The following TANGO6 variants were observed in gnomAD, a reference collection of about 807,000 sequenced individuals.
TANGO6 encodes transport and Golgi organization protein 6 homolog.
A neutral mutation model predicts 114.2 loss-of-function variants in TANGO6; 90 were observed. The observed-to-expected ratio is 0.79, with a 90% CI of 0.66 to 0.94. The LOEUF (loss-of-function observed/expected upper bound fraction) is 0.94. TANGO6 is among the 40% of genes least tolerant of loss of function. The pLI, the probability that TANGO6 is intolerant of heterozygous loss-of-function variation, is 0.00. For synonymous variants in TANGO6, 477 were observed against 509.8 expected (o/e 0.94, Z 0.87); for missense variants, 1,274 against 1,315.3 (o/e 0.97, Z 0.49).
Position 68,909,338 on chromosome 16 carries a change from T to C in TANGO6, c.1928T>C (p.Val643Ala). 6.2e-7 allele frequency: 1 copy of C among 1,608,600 alleles called. No homozygotes were observed. The highest frequency in any genetic ancestry group is 8.5e-7 in the Non-Finnish European group (1 of 1,177,050). ...GAAGGCCAAGAGCGGAAGCTGCTTG[T>C]CCTGCAGCTGATGGCTGTTCTGTGC... ...LVEGQERKLL[V>A]LQLMAVLCER... The change falls in exon 11 of 18, where the codon GTC becomes GCC. Residue 643 changes from valine (V) to alanine (A), a missense_variant. Val to Ala is a moderately conservative substitution (Grantham distance 64). Around this residue, in one of 5 missense-constraint regions of TANGO6, gnomAD observed 908 missense variants for 910.2 expected, o/e 1.00. Coordinates refer to ENST00000261778, the MANE Select transcript of TANGO6 (RefSeq NM_024562.2).
intron 17 of TANGO6, among the ~76,000 whole-genome samples, chr16:69,074,237 C>G (rs1460923563): frequency 6.6e-6 from 1 of 151,858 alleles, no homozygotes; most frequent in Non-Finnish European, 1.5e-5. Context: ...AAACAAATAA[C>G]AACAACAAGA....
At chr16:69,038,892 A>G (rs1176419461) in intron 16 of TANGO6, among the ~76,000 whole-genome samples, 2 of 151,994 alleles carry the variant, frequency 1.3e-5, no homozygotes, top group Non-Finnish European at 2.9e-5. Context: ...AAAATACAAA[A>G]ATTTAGGTGG....
chr16:68,852,069 A>C (rs1298270811), intron 1 of TANGO6, among the ~76,000 whole-genome samples: 1 of 152,224 alleles, frequency 6.6e-6, no homozygotes, highest in Non-Finnish European at 1.5e-5. Context: ...TTTAATGGCT[A>C]CAAAATATTC....
At chr16:68,928,111 T>C in intron 13 of TANGO6, 28 bp downstream of exon 13, 1 of 1,537,870 alleles carries the variant, frequency 6.5e-7, no homozygotes, top group Non-Finnish European at 8.8e-7. Context: ...TAAAGACACA[T>C]GGGCACAGGG....
chr16:69,054,833 C>T (rs999866634), intron 17 of TANGO6, among the ~76,000 whole-genome samples: 4 of 146,332 alleles, frequency 2.7e-5, no homozygotes, highest in African/African-American at 1.0e-4. Context: ...CCCAGCCATT[C>T]GGGAGCCTGA....
At chr16:68,909,136 T>A in intron 10 of TANGO6, 75 bp from the exon 11 acceptor site, 1 of 1,210,660 alleles carries the variant, frequency 8.3e-7, no homozygotes, top group South Asian at 3.2e-5. Context: ...TCAAACAGAG[T>A]TTTCTGCTTA....
intron 15 of TANGO6, among the ~76,000 whole-genome samples, chr16:69,006,405 A>C (rs1338512742): frequency 6.6e-6 from 1 of 152,146 alleles, no homozygotes; most frequent in East Asian, 1.9e-4. Flanking sequence ...TAGATTCTCC[A>C]GTCCTCGTTC....
intron 17 of TANGO6, among the ~76,000 whole-genome samples, chr16:69,050,366 C>A (rs922452944): frequency 2.0e-5 from 3 of 151,930 alleles, no homozygotes; most frequent in East Asian, 3.9e-4. Context: ...TTTTCTGAAA[C>A]GGGGTCTCAT....
In TANGO6 at chr16:68,950,413, G is replaced by A. The variant is rs543120255; in HGVS notation, c.2701+20118G>A. Among the ~76,000 whole-genome samples the A allele has an allele frequency of 3.3e-5, 5 of 151,736 alleles. No individual in the cohort carries two copies. In the South Asian group the frequency reaches 6.2e-4, roughly 19 times the overall value. ...GAAACCCCATCTCTACGAAAAATAC[G>A]AAATTAGCTGGGCATAGTATGGGTT... On this transcript the variant is annotated intron_variant, in intron 14 of 17. Coordinates refer to ENST00000261778, the MANE Select transcript of TANGO6 (RefSeq NM_024562.2).
chr16:68,908,915 T>C (rs1221499677), intron 10 of TANGO6, among the ~76,000 whole-genome samples: 1 of 152,338 alleles, frequency 6.6e-6, no homozygotes, highest in East Asian at 1.9e-4. Context: ...ACTGTACATA[T>C]TATTCTGCAA....
chr16:68,982,629 C>CATTTTTTTTTTTTTTTTTT (rs1567553024), intron 15 of TANGO6, among the ~76,000 whole-genome samples: 7 of 120,530 alleles, frequency 5.8e-5, no homozygotes, highest in African/African-American at 2.0e-4. Flanking sequence ...CATGCCCTGG[C>CATTTTTTTTTTTTTTTTTT]CTTTTTTTTT....
intron 4 of TANGO6, among the ~76,000 whole-genome samples, chr16:68,874,161 C>T (rs1962321678): frequency 6.6e-6 from 1 of 152,216 alleles, no homozygotes; most frequent in Admixed American, 6.5e-5. Context: ...GACCCTTTTG[C>T]AGATCTTTGG....
At chr16:69,047,626 G>A (rs562625656) in intron 17 of TANGO6, among the ~76,000 whole-genome samples, 10 of 152,238 alleles carry the variant, frequency 6.6e-5, no homozygotes, top group Admixed American at 2.0e-4. Context: ...CACAAATAAC[G>A]AGAATTGAAT....
chr16:69,047,559 C>G (rs1044663763), intron 17 of TANGO6, among the ~76,000 whole-genome samples: 1 of 151,838 alleles, frequency 6.6e-6, no homozygotes, highest in Non-Finnish European at 1.5e-5. Flanking sequence ...CCCCTAGGAG[C>G]AGTGGTTCAA....
At chr16:68,986,370 T>G (rs74802664) in intron 15 of TANGO6, among the ~76,000 whole-genome samples, 3,838 of 152,222 alleles carry the variant, frequency 0.025, 166 homozygotes, top group African/African-American at 0.088. Flanking sequence ...AAGCAGCTCC[T>G]CAGATTACTC....
At chr16:68,904,506 T>G (rs1174436212) in intron 9 of TANGO6, among the ~76,000 whole-genome samples, 1 of 152,178 alleles carries the variant, frequency 6.6e-6, no homozygotes, top group Non-Finnish European at 1.5e-5. Flanking sequence ...AAGTCCATGT[T>G]CTTAGTGAAC....
At chr16:68,970,753 G>C (rs979972019) in intron 14 of TANGO6, among the ~76,000 whole-genome samples, 7 of 151,626 alleles carry the variant, frequency 4.6e-5, no homozygotes, top group Admixed American at 3.9e-4. Context: ...ATAGATCAAA[G>C]TTTTATAAAG....
At chr16:69,029,753 G>T (rs1423678024) in intron 16 of TANGO6, among the ~76,000 whole-genome samples, 1 of 152,016 alleles carries the variant, frequency 6.6e-6, no homozygotes, top group Non-Finnish European at 1.5e-5. Context: ...TTTTCTTAAG[G>T]AACATCTTGG....
chr16:69,082,532 G>A (rs996822543), intron 17 of TANGO6, among the ~76,000 whole-genome samples: 1 of 151,690 alleles, frequency 6.6e-6, no homozygotes, highest in African/African-American at 2.4e-5. Flanking sequence ...AGATCACAAG[G>A]TCAAGAGATT....
Sources: gnomAD v4.1 joint callset for allele counts (sites outside exome capture counted in the v4.1 genomes callset) on GRCh38, gnomAD v4.1.1 for gene constraint, gnomAD v4.1.1 regional missense constraint, MANE v1.5 for transcripts, NCBI Gene and HGNC (gene_info 2026-07-23, HGNC 2026-07-21) for gene names.